The following PAPPA2 variants were observed in gnomAD, a reference collection of about 807,000 sequenced individuals.
PAPPA2 encodes pappalysin-2.
A neutral mutation model predicts 176.4 loss-of-function variants in PAPPA2; 86 were observed. The ratio of observed to expected loss-of-function variants is 0.49; its 90% CI spans 0.41 to 0.58. The LOEUF is 0.58. Ranked by LOEUF, PAPPA2 falls within the 20% of genes least tolerant of loss-of-function variation. The pLI is 0.00. For synonymous variants in PAPPA2, 809 were observed against 852.2 expected (o/e 0.95, Z 0.88); for missense variants, 2,073 against 2,256.9 (o/e 0.92, Z 1.65).
chr1:176,676,823 A>T (rs1659323486), intron 4 of PAPPA2, among the ~76,000 whole-genome samples: 1 of 152,156 alleles, frequency 6.6e-6, no homozygotes, highest in Non-Finnish European at 1.5e-5. Context: ...GGTATTTTGC[A>T]TATAGCAGGT....
In PAPPA2 at chr1:176,728,450, T is replaced by C. The variant is rs1571236583; in HGVS notation, c.3799-11176T>C. On this transcript the variant is annotated intron_variant, in intron 12 of 22. Transcript: ENST00000367662. The stretch of plus-strand genomic sequence containing the variant: ...GTAGCAATAAAAATGGTAAAATAAC[T>C]AGAAATAAAACTAAAAAGAAATTTG... Among the ~76,000 whole-genome samples, 3 of 151,734 alleles carry C rather than the reference T, an allele frequency of 2.0e-5. No homozygotes were observed. In the East Asian group the frequency reaches 5.8e-4, roughly 29 times the overall value.
intron 21 of PAPPA2, among the ~76,000 whole-genome samples, chr1:176,823,697 C>G (rs1000854647): frequency 3.3e-5 from 5 of 152,164 alleles, no homozygotes; most frequent in African/African-American, 7.2e-5. Flanking sequence ...GCCGGTAACT[C>G]TTGATTCCCT....
chr1:176,743,248 T>A (rs752333216), intron 14 of PAPPA2, among the ~76,000 whole-genome samples: 7 of 152,168 alleles, frequency 4.6e-5, no homozygotes, highest in South Asian at 2.1e-4. Flanking sequence ...AAAAATGCAT[T>A]TAAAGAATAG....
intron 17 of PAPPA2, among the ~76,000 whole-genome samples, chr1:176,787,530 C>A (rs1571327170): frequency 6.6e-6 from 1 of 152,002 alleles, no homozygotes; most frequent in East Asian, 1.9e-4. Flanking sequence ...GCCACCATGC[C>A]CGGCCAAAAA....
At chr1:176,663,150 A>G (rs1231641592) in intron 3 of PAPPA2, among the ~76,000 whole-genome samples, 1 of 152,160 alleles carries the variant, frequency 6.6e-6, no homozygotes, top group East Asian at 1.9e-4. Context: ...CAAAAGCACT[A>G]ATGGAAGTTC....
chr1:176,657,929 C>T (rs1006685299), intron 3 of PAPPA2, among the ~76,000 whole-genome samples: 4 of 151,970 alleles, frequency 2.6e-5, no homozygotes, highest in Non-Finnish European at 4.4e-5. Flanking sequence ...GAGGGATTAT[C>T]TGCCTTGTTT....
intron 2 of PAPPA2, among the ~76,000 whole-genome samples, chr1:176,587,965 G>A (rs1318990879): frequency 6.6e-6 from 1 of 152,192 alleles, no homozygotes; most frequent in Admixed American, 6.5e-5. Context: ...ACAGTAATTT[G>A]ATGGGAGTAG....
intron 12 of PAPPA2, among the ~76,000 whole-genome samples, chr1:176,726,733 A>G (rs959669554): frequency 1.3e-5 from 2 of 152,192 alleles, no homozygotes; most frequent in Admixed American, 6.5e-5. Flanking sequence ...TGTTTGTGGC[A>G]GGTTGGATTT....
intron 4 of PAPPA2, among the ~76,000 whole-genome samples, chr1:176,682,674 C>G (rs1484588841): frequency 2.6e-5 from 4 of 152,052 alleles, no homozygotes; most frequent in Non-Finnish European, 5.9e-5. Context: ...ACTTCTCTTT[C>G]TAGCTCCAGT....
chr1:176,705,499 A>G (rs1051183562), intron 9 of PAPPA2, among the ~76,000 whole-genome samples: 4 of 152,178 alleles, frequency 2.6e-5, no homozygotes, highest in East Asian at 3.9e-4. Flanking sequence ...GTTAAAATAT[A>G]TGTCCATTTT....
intron 2 of PAPPA2, among the ~76,000 whole-genome samples, chr1:176,566,185 G>A (rs921275953): frequency 1.3e-5 from 2 of 152,146 alleles, no homozygotes; most frequent in African/African-American, 4.8e-5. Flanking sequence ...GCCCCAGCTG[G>A]GTTCTTTGGC....
At chr1:176,548,251 C>T (rs1047536808) in intron 1 of PAPPA2, among the ~76,000 whole-genome samples, 6 of 151,360 alleles carry the variant, frequency 4.0e-5, no homozygotes, top group Admixed American at 4.0e-4. Flanking sequence ...GACTGGTTTT[C>T]CATTTATATT....
intron 4 of PAPPA2, among the ~76,000 whole-genome samples, chr1:176,681,842 A>C (rs921686882): frequency 6.6e-6 from 1 of 152,154 alleles, no homozygotes; most frequent in African/African-American, 2.4e-5. Flanking sequence ...TTAGAGAAGG[A>C]AAGGGTAAGC....
At chr1:176,654,244 T>C (rs2861791) in intron 3 of PAPPA2, among the ~76,000 whole-genome samples, 26,436 of 151,494 alleles carry the variant, frequency 0.17, 2,466 homozygotes, top group Middle Eastern at 0.23. Context: ...TGATGATAGA[T>C]AGGGGTCCAA....
intron 3 of PAPPA2, among the ~76,000 whole-genome samples, chr1:176,668,984 G>A (rs1440149896): frequency 6.6e-6 from 1 of 152,064 alleles, no homozygotes; most frequent in African/African-American, 2.4e-5. Flanking sequence ...CCCCTCGGAG[G>A]GTGCTCAAGA....
At chr1:176,509,039 G>T (rs981630698) in intron 1 of PAPPA2, among the ~76,000 whole-genome samples, 6 of 151,808 alleles carry the variant, frequency 4.0e-5, no homozygotes, top group African/African-American at 1.2e-4. Context: ...TATGTTAGAT[G>T]AAATATAATA....
chr1:176,758,383 G>A (rs1663531437), intron 14 of PAPPA2, among the ~76,000 whole-genome samples: 1 of 152,096 alleles, frequency 6.6e-6, no homozygotes, highest in Non-Finnish European at 1.5e-5. Context: ...TTCTCTATTA[G>A]TTTGGATAAA....
intron 2 of PAPPA2, among the ~76,000 whole-genome samples, chr1:176,560,971 G>A (rs1416565790): frequency 6.6e-6 from 1 of 152,156 alleles, no homozygotes; most frequent in Non-Finnish European, 1.5e-5. Flanking sequence ...TGCAAAGCAC[G>A]GCAAGGCCCT....
At chr1:176,699,032 T>G (rs893231027) in intron 7 of PAPPA2, 68 bp from the exon 8 acceptor site, 28 of 1,517,772 alleles carry the variant, frequency 1.8e-5, no homozygotes, top group Admixed American at 6.0e-5. Context: ...TTCTGGCTGC[T>G]AAGGGCTACT....
Sources: gnomAD v4.1 joint callset for allele counts (sites outside exome capture counted in the v4.1 genomes callset) on GRCh38, gnomAD v4.1.1 for gene constraint, MANE v1.5 for transcripts, NCBI Gene and HGNC (gene_info 2026-07-23, HGNC 2026-07-21) for gene names.